Variants in ANKRD12 observed in about 807,000 individuals in gnomAD.
The protein encoded by ANKRD12 is ankyrin repeat domain 12.
A neutral mutation model predicts 183.4 loss-of-function variants in ANKRD12; 85 were observed. That is an observed-to-expected ratio of 0.46 (90% CI 0.39 to 0.56). The LOEUF (loss-of-function observed/expected upper bound fraction) is 0.56. Among genes scored for constraint, ANKRD12 ranks in the 20% least tolerant of loss-of-function variants. The probability of loss-of-function intolerance (pLI) is 0.00; values close to 1 mark genes in which losing one functional copy is unlikely to be tolerated. For missense variants in ANKRD12, 2,405 were observed against 2,357.1 expected, an observed-to-expected ratio of 1.02 and a Z score of -0.42; for synonymous variants, 914 against 800.2, an observed-to-expected ratio of 1.14 and a Z score of -2.40.
intron 7 of ANKRD12, among the ~76,000 whole-genome samples, chr18:9,220,467 A>C (rs1598600714): frequency 6.6e-6 from 1 of 152,356 alleles, no homozygotes; most frequent in South Asian, 2.1e-4. Context: ...AGAATCAATA[A>C]CACCTGGCTG....
intron 8 of ANKRD12, among the ~76,000 whole-genome samples, chr18:9,253,905 C>T (rs147390489): frequency 1.3e-5 from 2 of 152,296 alleles, no homozygotes; most frequent in East Asian, 3.9e-4. Flanking sequence ...CAAAGAGATA[C>T]ACGCTTCTAT....
intron 4 of ANKRD12, among the ~76,000 whole-genome samples, chr18:9,208,175 CTG>C (rs1256952876): frequency 6.6e-6 from 1 of 152,056 alleles, no homozygotes; most frequent in Non-Finnish European, 1.5e-5. Flanking sequence ...GATAGTTGTT[CTG>C]TGTGATAAGA....
At chr18:9,202,371 A>G (rs1245462383) in intron 3 of ANKRD12, among the ~76,000 whole-genome samples, 1 of 152,130 alleles carries the variant, frequency 6.6e-6, no homozygotes, top group African/African-American at 2.4e-5. Flanking sequence ...AGATAGATAT[A>G]ATTTTTCTGG....
chr18:9,264,362 A>G (rs1486403506), intron 10 of ANKRD12, among the ~76,000 whole-genome samples: 2 of 152,236 alleles, frequency 1.3e-5, no homozygotes, highest in South Asian at 2.1e-4. Flanking sequence ...AGGAATTATA[A>G]GTCATTTCAC....
At chr18:9,211,534 A>T in intron 5 of ANKRD12, 50 bp from the exon 6 acceptor site, 2 of 1,493,306 alleles carry the variant, frequency 1.3e-6, no homozygotes, top group Non-Finnish European at 9.3e-7. Flanking sequence ...TTAAATAAGT[A>T]TACAGAATAT....
In ANKRD12 at chr18:9,237,258, A is replaced by G. The variant is rs185827257; in HGVS notation, c.943+15259A>G. Among the ~76,000 whole-genome samples the G allele has an allele frequency of 2.2e-4, 33 of 152,340 alleles. 2 individuals are homozygous for G. In the East Asian group the frequency reaches 6.4e-3, roughly 29 times the overall value. ...TCAATGAAATGATAGGATATGAACA[A>G]GATCTTCAAAATGATACATGGATGG... On this transcript the variant is annotated intron_variant, in intron 8 of 12. Transcript: ENST00000262126.
chr18:9,219,794 A>G (rs899700313), intron 7 of ANKRD12, among the ~76,000 whole-genome samples: 2 of 152,056 alleles, frequency 1.3e-5, no homozygotes, highest in Admixed American at 1.3e-4. Flanking sequence ...GATAGTACCA[A>G]TGACCTCTGG....
At chr18:9,209,966 G>A (rs2035698218) in intron 5 of ANKRD12, among the ~76,000 whole-genome samples, 2 of 151,904 alleles carry the variant, frequency 1.3e-5, no homozygotes, top group African/African-American at 4.8e-5. Context: ...AGCTTTTCTA[G>A]GCATAAACTT....
At chr18:9,203,571 C>T (rs1281365523) in intron 3 of ANKRD12, among the ~76,000 whole-genome samples, 1 of 150,288 alleles carries the variant, frequency 6.7e-6, no homozygotes. Context: ...AGGCAGAATT[C>T]CATATATATA....
chr18:9,216,632 T>C, intron 6 of ANKRD12, 126 bp from the exon 7 acceptor site: 1 of 881,618 alleles, frequency 1.1e-6, no homozygotes, highest in South Asian at 1.8e-5. Context: ...AGCTTCTTCA[T>C]CACTCCTTTT....
At chr18:9,264,127 G>A (rs2039142996) in intron 10 of ANKRD12, among the ~76,000 whole-genome samples, 1 of 152,100 alleles carries the variant, frequency 6.6e-6, no homozygotes, top group South Asian at 2.1e-4. Context: ...ATAACTTCTT[G>A]TTATTTGTTG....
intron 1 of ANKRD12, among the ~76,000 whole-genome samples, chr18:9,173,821 C>G (rs1047999197): frequency 4.0e-4 from 61 of 152,300 alleles, no homozygotes; most frequent in Non-Finnish European, 3.4e-4. Context: ...TGCCTGGACT[C>G]TCCAGAGCCA....
intron 1 of ANKRD12, among the ~76,000 whole-genome samples, chr18:9,150,889 G>A (rs992013619): frequency 3.3e-5 from 5 of 151,920 alleles, no homozygotes; most frequent in Admixed American, 2.6e-4. Context: ...TCTTGACCTC[G>A]TGATCCACCT....
At chr18:9,139,797 AG>A (rs1159289619) in intron 1 of ANKRD12, among the ~76,000 whole-genome samples, 2 of 152,212 alleles carry the variant, frequency 1.3e-5, no homozygotes, top group African/African-American at 4.8e-5. Flanking sequence ...TCCTTGGGAC[AG>A]GAAGGGACCT....
In ANKRD12 at chr18:9,262,787, C is replaced by CTTTTT. The variant is rs71168048; in HGVS notation, c.5665-978_5665-974dup. Among the ~76,000 whole-genome samples, 161 of 83,754 alleles carry CTTTTT rather than the reference C, an allele frequency of 1.9e-3. 22 individuals are homozygous for CTTTTT. The highest frequency in any genetic ancestry group is 8.3e-3 in the African/African-American group (146 of 17,614). The allele number at this position is 83,754 out of a possible 152,430, so 54.9% of individuals were successfully genotyped here. On this transcript the variant is annotated intron_variant, in intron 9 of 12. Coordinates refer to ENST00000262126, the MANE Select transcript of ANKRD12 (RefSeq NM_015208.5). ...GCCACCATGCCCAGCCAAGATGTCC[C>CTTTTT]TTTTTTTTTTTTTTTTTTTTTTTTT...
In ANKRD12 at chr18:9,257,288, G is replaced by A; in HGVS notation, c.4021G>A (p.Asp1341Asn). 1.2e-6 allele frequency: 2 copies of A among 1,614,096 alleles called. No homozygotes were observed. The highest frequency in any genetic ancestry group is 1.7e-6 in the Non-Finnish European group (2 of 1,179,984). The stretch of plus-strand genomic sequence containing the variant: ...AGGTAGCTTATTAACTGTGCCAGGA[G>A]ATACTAGTCCTTCTCCCAAACCTGA... ...NQGSLLTVPG[D>N]TSPSPKPEVF... Residue 1341 changes from aspartate (D) to asparagine (N), a missense_variant, in exon 9 of 13, where the codon GAT becomes AAT. Physicochemically the swap from Asp to Asn is conservative, Grantham distance 23. Coordinates refer to ENST00000262126, the MANE Select transcript of ANKRD12 (RefSeq NM_015208.5).
chr18:9,178,068 G>C (rs1383693217), intron 1 of ANKRD12, among the ~76,000 whole-genome samples: 2 of 151,984 alleles, frequency 1.3e-5, no homozygotes, highest in Non-Finnish European at 2.9e-5. Flanking sequence ...TGCCAGCATG[G>C]CTGGCTTTTC....
chr18:9,155,032 C>T (rs1050322530), intron 1 of ANKRD12, among the ~76,000 whole-genome samples: 2 of 152,172 alleles, frequency 1.3e-5, no homozygotes, highest in Non-Finnish European at 2.9e-5. Flanking sequence ...TTTCTAACTT[C>T]ACACATTTAG....
At chr18:9,146,979 G>A (rs74724288) in intron 1 of ANKRD12, among the ~76,000 whole-genome samples, 2,119 of 152,242 alleles carry the variant, frequency 0.014, 18 homozygotes, top group Non-Finnish European at 0.021. Context: ...GTTATTACCC[G>A]TCATATTATT....
Sources: allele counts gnomAD v4.1 joint callset (sites outside exome capture counted in the v4.1 genomes callset), GRCh38; gene constraint gnomAD v4.1.1; transcripts MANE v1.5; gene names NCBI Gene and HGNC (gene_info 2026-07-23, HGNC 2026-07-21).